Variants in DDR2 observed in about 807,000 individuals in gnomAD.
DDR2 encodes discoidin domain-containing receptor 2.
DDR2 carries 27 observed loss-of-function variants against 94.9 expected under a neutral mutation model. The ratio of observed to expected loss-of-function variants is 0.28; its 90% CI spans 0.21 to 0.39. The LOEUF (loss-of-function observed/expected upper bound fraction) is 0.39. Among genes scored for constraint, DDR2 ranks in the 10% least tolerant of loss-of-function variants. The pLI is 1.00. For synonymous variants in DDR2, 382 were observed against 377.2 expected (o/e 1.01, Z -0.15); for missense variants, 783 against 1,076.0 (o/e 0.73, Z 3.81).
At chr1:162,716,265 G>T (rs1661163649) in intron 2 of DDR2, among the ~76,000 whole-genome samples, 1 of 152,184 alleles carries the variant, frequency 6.6e-6, no homozygotes, top group African/African-American at 2.4e-5. Context: ...ACAGGAGAGA[G>T]AGAGAATTCT....
chr1:162,786,798 C>G lies in DDR2; in HGVS notation c.*6552C>G, dbSNP rs1270424859. 1 of 152,184 alleles carries G rather than the reference C, an allele frequency of 6.6e-6. No individual in the cohort carries two copies. Among genetic ancestry groups the G allele is most frequent in the Non-Finnish European group, 1.5e-5 (1 of 68,042 alleles). The allele number at this position is 152,184 out of a possible 1,614,324, so 9.4% of individuals were successfully genotyped here. A position where few individuals can be genotyped will look rare whatever the true frequency, so the allele number is the denominator to read the frequency against. ...GAAAGCATCTTGGTCTCTGACATAT[C>G]CAAACATACGAGACACTGGGATTTT... On this transcript the variant is annotated 3_prime_UTR_variant, in exon 18 of 18. Coordinates refer to ENST00000367921, the MANE Select transcript of DDR2 (RefSeq NM_006182.4).
chr1:162,746,185 G>T (rs1662853547), intron 3 of DDR2, among the ~76,000 whole-genome samples: 1 of 152,204 alleles, frequency 6.6e-6, no homozygotes, highest in Non-Finnish European at 1.5e-5. Flanking sequence ...CCTCACCCAG[G>T]AAGTGCAAGT....
intron 2 of DDR2, among the ~76,000 whole-genome samples, chr1:162,658,941 A>G (rs999610633): frequency 2.0e-5 from 3 of 152,216 alleles, no homozygotes; most frequent in African/African-American, 7.2e-5. Context: ...TCTGAAAAGC[A>G]TAAGCTGAGA....
intron 3 of DDR2, among the ~76,000 whole-genome samples, chr1:162,720,225 A>C (rs903272715): frequency 6.6e-6 from 1 of 152,094 alleles, no homozygotes; most frequent in Non-Finnish European, 1.5e-5. Flanking sequence ...ATGAATTCAT[A>C]AACTGAACAC....
At position 162,747,145 on chromosome 1, in the gene DDR2, A is replaced by G. The variant is rs372927693; in HGVS notation, c.83-5950A>G. Among the ~76,000 whole-genome samples, 79 of 152,322 alleles carry G rather than the reference A, an allele frequency of 5.2e-4. 1 individual carries two copies. The highest frequency in any genetic ancestry group is 1.9e-3 in the African/African-American group (77 of 41,570). ...AACACAGCTCCTCAAGAGCAATGGAACAAGGATGGACGGAGAATGACTTTG... is the reference window on the plus strand; with the variant it reads ...AACACAGCTCCTCAAGAGCAATGGAGCAAGGATGGACGGAGAATGACTTTG... On this transcript the variant is annotated intron_variant, in intron 3 of 17. Transcript: ENST00000367921.
At chr1:162,677,452 A>G (rs983892191) in intron 2 of DDR2, among the ~76,000 whole-genome samples, 4 of 152,192 alleles carry the variant, frequency 2.6e-5, no homozygotes, top group Non-Finnish European at 4.4e-5. Flanking sequence ...TGCTCTACTC[A>G]TGGATAAATC....
chr1:162,755,479 G>A (rs1035586844), intron 6 of DDR2, among the ~76,000 whole-genome samples, 176 bp downstream of exon 6: 9 of 152,180 alleles, frequency 5.9e-5, no homozygotes, highest in African/African-American at 1.9e-4. Flanking sequence ...GCCCCACACT[G>A]AGTCATGCAT....
At chr1:162,657,615 G>T (rs1658061914) in intron 2 of DDR2, among the ~76,000 whole-genome samples, 3 of 152,120 alleles carry the variant, frequency 2.0e-5, no homozygotes, top group Admixed American at 2.0e-4. Flanking sequence ...CAGTTGTCTG[G>T]GGCTAGGGAA....
chr1:162,648,085 G>A (rs1224458758), intron 1 of DDR2, among the ~76,000 whole-genome samples: 1 of 148,554 alleles, frequency 6.7e-6, no homozygotes, highest in African/African-American at 2.5e-5. Context: ...TACTTACTAA[G>A]AGTCTTGTAT....
At chr1:162,765,860 A>G (rs1449799502) in intron 9 of DDR2, 141 bp from the exon 10 acceptor site, 1 of 787,660 alleles carries the variant, frequency 1.3e-6, no homozygotes, top group East Asian at 2.6e-5. Context: ...TATTCAACGT[A>G]TTTATGATTT....
intron 3 of DDR2, among the ~76,000 whole-genome samples, chr1:162,743,189 T>C (rs966065388): frequency 6.6e-6 from 1 of 152,052 alleles, no homozygotes; most frequent in Non-Finnish European, 1.5e-5. Flanking sequence ...TTCCCTTTTT[T>C]AGGGTGAGAT....
chr1:162,723,292 G>A (rs1193262296), intron 3 of DDR2, among the ~76,000 whole-genome samples: 4 of 152,166 alleles, frequency 2.6e-5, no homozygotes, highest in Non-Finnish European at 4.4e-5. Flanking sequence ...CTATGTAGGA[G>A]ATCCATTCCC....
In DDR2 at chr1:162,755,242, A is replaced by G; in HGVS notation, c.504A>G (p.Pro168=). ...TAGCCAGATTTGTCCGGTTCATTCCAGTCACCGACCACTCCATGAATGTGT... is the reference window on the plus strand; with the variant it reads ...TAGCCAGATTTGTCCGGTTCATTCCGGTCACCGACCACTCCATGAATGTGT... ...PIVARFVRFI[P]VTDHSMNVCM... The change falls in exon 6 of 18, where the codon CCA becomes CCG. Residue 168 remains proline (P), a synonymous_variant. Transcript: ENST00000367921. The G allele has an allele frequency of 6.2e-7, 1 of 1,614,060 alleles. No homozygotes were observed. Among genetic ancestry groups the G allele is most frequent in the Non-Finnish European group, 8.5e-7 (1 of 1,180,004 alleles).
In DDR2 at chr1:162,783,096, T is replaced by A. The variant is rs2998108; in HGVS notation, c.*2850T>A. 16 of 152,150 alleles carry A rather than the reference T, an allele frequency of 1.1e-4. No homozygotes were observed. Among genetic ancestry groups the A allele is most frequent in the Non-Finnish European group, 2.2e-4 (15 of 68,020 alleles). 9.4% of individuals were successfully genotyped at this position (152,150 alleles called of 1,614,324 possible). On this transcript the variant is annotated 3_prime_UTR_variant, in exon 18 of 18. Coordinates refer to ENST00000367921, the MANE Select transcript of DDR2 (RefSeq NM_006182.4). ...TTTGGAAAAGGAGATAGAAAAAAAA[T>A]GATCAGAAACTGTGGGGCCTTATTA... is the stretch of plus-strand genomic sequence containing the variant.
intron 2 of DDR2, among the ~76,000 whole-genome samples, chr1:162,691,022 C>A (rs566940818): frequency 6.6e-6 from 1 of 152,166 alleles, no homozygotes; most frequent in South Asian, 2.1e-4. Context: ...CTCTTTCCCC[C>A]CCAGGGTATA....
At chr1:162,703,926 C>G (rs1041368139) in intron 2 of DDR2, among the ~76,000 whole-genome samples, 32 of 152,102 alleles carry the variant, frequency 2.1e-4, no homozygotes, top group Admixed American at 3.9e-4. Flanking sequence ...GCCATTGGCT[C>G]CTATTGCACA....
At chr1:162,738,109 C>T (rs1023011188) in intron 3 of DDR2, among the ~76,000 whole-genome samples, 3 of 146,042 alleles carry the variant, frequency 2.1e-5, no homozygotes, top group African/African-American at 7.7e-5. Context: ...CTGGCCAGGG[C>T]AATCAGGCAG....
chr1:162,656,585 C>G (rs980515522), intron 2 of DDR2, among the ~76,000 whole-genome samples: 3 of 151,598 alleles, frequency 2.0e-5, no homozygotes, highest in African/African-American at 7.3e-5. Flanking sequence ...TTCCTTCCTC[C>G]CTCCTTTCCT....
chr1:162,773,552 G>T lies in DDR2; in HGVS notation c.1812G>T (p.Leu604=), dbSNP rs1647351012. ...ALDVSANQPV[L]VAVKMLRADA... is the part of the protein sequence containing the mutation. ...ATGTCAGTGCCAACCAGCCTGTCCT[G>T]GTGGCTGTGAAAATGCTCCGAGCAG... The change falls in exon 14 of 18, where the codon CTG becomes CTT. Residue 604 remains leucine (L), a synonymous_variant. Coordinates refer to ENST00000367921, the MANE Select transcript of DDR2 (RefSeq NM_006182.4). 1 of 1,614,046 alleles carries T rather than the reference G, an allele frequency of 6.2e-7. No individual in the cohort carries two copies. The highest frequency in any genetic ancestry group is 8.5e-7 in the Non-Finnish European group (1 of 1,179,952).
Sources: gnomAD v4.1 joint callset for allele counts (sites outside exome capture counted in the v4.1 genomes callset) on GRCh38, gnomAD v4.1.1 for gene constraint, MANE v1.5 for transcripts, NCBI Gene and HGNC (gene_info 2026-07-23, HGNC 2026-07-21) for gene names.